The following GALR1 variants were observed in gnomAD, a reference collection of about 807,000 sequenced individuals.
The protein encoded by GALR1 is galanin receptor type 1.
A neutral mutation model predicts 17.9 loss-of-function variants in GALR1; 11 were observed. The observed-to-expected ratio is 0.62, with a 90% confidence interval of 0.39 to 1.02. GALR1 has a LOEUF of 1.02. GALR1 is among the 50% of genes least tolerant of loss of function. GALR1 has a pLI of 0.01. For synonymous variants in GALR1, 206 were observed against 205.7 expected, an observed-to-expected ratio of 1.00 and a Z score of -0.01; for missense variants, 441 against 456.9, an observed-to-expected ratio of 0.97 and a Z score of 0.32.
chr18:77,259,749 G>A (rs1912786893), intron 2 of GALR1, among the ~76,000 whole-genome samples: 2 of 151,894 alleles, frequency 1.3e-5, no homozygotes, highest in Non-Finnish European at 2.9e-5. Flanking sequence ...CTAAGAAAGA[G>A]ATGGGAGAGA....
intron 1 of GALR1, among the ~76,000 whole-genome samples, chr18:77,252,896 T>TCACCACCATCACCACCAC (rs1568139005): frequency 1.3e-5 from 1 of 78,212 alleles, no homozygotes; most frequent in Admixed American, 1.7e-4. Context: ...ACCACCACCA[T>TCACCACCATCACCACCAC]CACCACCACC....
chr18:77,258,557 GGTCATAGTGGGGGTGGTGGTGGTC>G (rs1568141187), intron 2 of GALR1, among the ~76,000 whole-genome samples: 5 of 143,026 alleles, frequency 3.5e-5, no homozygotes, highest in African/African-American at 5.4e-5. Flanking sequence ...TGATGGTGGT[GGTCATAGTGGGGGTGGTGGTGGTC>G]ATGGTGGTGA....
intron 2 of GALR1, among the ~76,000 whole-genome samples, chr18:77,263,269 C>T (rs577675738): frequency 6.6e-6 from 1 of 152,308 alleles, no homozygotes; most frequent in Admixed American, 6.5e-5. Flanking sequence ...ATAGAAGGCA[C>T]TCCCTTAATA....
chr18:77,268,839 T>C lies in GALR1; in HGVS notation c.987T>C (p.Ser329=), dbSNP rs913882960. ...ACATTCGCAAAGATTCACACCTGAGTGATACTAAAGAAAGTAAAAGTCGAA... is the reference window on the plus strand; with the variant it reads ...ACATTCGCAAAGATTCACACCTGAGCGATACTAAAGAAAGTAAAAGTCGAA... ...KCHIRKDSHL[S]DTKESKSRID... The change falls in exon 3 of 3, where the codon AGT becomes AGC. Residue 329 remains serine, a synonymous_variant. Transcript: ENST00000299727. 2 of 1,613,842 alleles carry C rather than the reference T, an allele frequency of 1.2e-6. No homozygotes were observed. Among genetic ancestry groups the C allele is most frequent in the Non-Finnish European group, 1.7e-6 (2 of 1,179,812 alleles).
At chr18:77,252,592 T>C (rs1912443356) in intron 1 of GALR1, among the ~76,000 whole-genome samples, 1 of 152,130 alleles carries the variant, frequency 6.6e-6, no homozygotes, top group African/African-American at 2.4e-5. Flanking sequence ...TATGAAGAAA[T>C]ACAGTACCAC....
chr18:77,252,980 T>TCACCATCACCACCACCACCACCAC (rs1912494378), intron 1 of GALR1, among the ~76,000 whole-genome samples: 2 of 23,000 alleles, frequency 8.7e-5, no homozygotes, highest in Non-Finnish European at 1.8e-4. Flanking sequence ...ATCACCACCA[T>TCACCATCACCACCACCACCACCAC]CACCACCATC....
chr18:77,260,249 T>A (rs1912800595), intron 2 of GALR1, among the ~76,000 whole-genome samples: 1 of 152,180 alleles, frequency 6.6e-6, no homozygotes, highest in African/African-American at 2.4e-5. Context: ...GATGGCCCCT[T>A]CTCTCTGTAT....
At chr18:77,252,981 C>G (rs914408713) in intron 1 of GALR1, among the ~76,000 whole-genome samples, 1 of 64,764 alleles carries the variant, frequency 1.5e-5, no homozygotes, top group South Asian at 4.4e-4. Context: ...TCACCACCAT[C>G]ACCACCATCA....
Position 77,251,016 on chromosome 18 carries a change from G to A in GALR1, c.468G>A (p.Val156=). The change falls in exon 1 of 3, where the codon GTG becomes GTA. Residue 156 remains valine (V), a synonymous_variant. Coordinates refer to ENST00000299727, the MANE Select transcript of GALR1 (RefSeq NM_001480.4). ...LRVSRNALLG[V]GCIWALSIAM... ...TGTCCCGCAACGCGCTGCTGGGCGT[G>A]GGCTGCATCTGGGCGCTGTCCATTG... The A allele has an allele frequency of 1.1e-5, 17 of 1,605,336 alleles. No homozygotes were observed. The highest frequency in any genetic ancestry group is 1.4e-5 in the Non-Finnish European group (17 of 1,179,826).
chr18:77,268,734 C>T lies in GALR1; in HGVS notation c.882C>T (p.Ser294=). The T allele has an allele frequency of 6.2e-7, 1 of 1,614,192 alleles. No homozygotes were observed. Among genetic ancestry groups the T allele is most frequent in the African/African-American group, 1.3e-5 (1 of 75,058 alleles). ...FRITAHCLAY[S]NSSVNPIIYA... ...TCACCGCCCACTGCCTGGCGTACAGCAATTCCTCCGTGAATCCTATCATTT... is the reference window on the plus strand; with the variant it reads ...TCACCGCCCACTGCCTGGCGTACAGTAATTCCTCCGTGAATCCTATCATTT... Residue 294 remains serine, a synonymous_variant, in exon 3 of 3, where the codon AGC becomes AGT. Transcript: ENST00000299727.
intron 1 of GALR1, among the ~76,000 whole-genome samples, chr18:77,252,177 A>G (rs144300544): frequency 2.0e-5 from 3 of 152,354 alleles, no homozygotes; most frequent in Admixed American, 6.5e-5. Context: ...AAGACTTTAT[A>G]CTGATCAAAA....
chr18:77,265,149 G>A (rs138588929), intron 2 of GALR1, among the ~76,000 whole-genome samples: 10 of 152,252 alleles, frequency 6.6e-5, no homozygotes, highest in Admixed American at 2.6e-4. Context: ...TCAAAAGCAC[G>A]TACCTATTAT....
chr18:77,250,927 G>GC lies in GALR1; in HGVS notation c.381dup (p.Ala128ArgfsTer98). 6.2e-7 allele frequency: 1 copy of GC among 1,604,912 alleles called. No homozygotes were observed. On this transcript the variant is annotated frameshift_variant, in exon 1 of 3. Transcript: ENST00000299727. LOFTEE classifies it high-confidence loss of function. ...CATGCTGGTGAGCATCTTCACCCTG[G>GC]CCGCGATGTCCGTGGACCGCTACGT...
chr18:77,250,376 C>T lies in GALR1; in HGVS notation c.-173C>T, dbSNP rs993701794. 6.6e-6 allele frequency among the ~76,000 whole-genome samples: 1 copy of T among 152,168 alleles called. No homozygotes were observed. Among genetic ancestry groups the T allele is most frequent in the African/African-American group, 2.4e-5 (1 of 41,452 alleles). On this transcript the variant is annotated 5_prime_UTR_variant, in exon 1 of 3. Coordinates refer to ENST00000299727, the MANE Select transcript of GALR1 (RefSeq NM_001480.4). ...GGTCCCGGCGCAAAGACGGTGCCAC[C>T]AGGCACGGCCACCGGATCCCCGCTC... is the stretch of plus-strand genomic sequence containing the variant.
intron 2 of GALR1, among the ~76,000 whole-genome samples, chr18:77,259,693 T>G (rs1456419975): frequency 6.8e-6 from 1 of 146,146 alleles, no homozygotes; most frequent in Admixed American, 6.7e-5. Context: ...TGGTGGCAAT[T>G]GTGGTGATGG....
chr18:77,264,419 G>A lies in GALR1; in HGVS notation c.733-4166G>A, dbSNP rs569826888. The stretch of plus-strand genomic sequence containing the variant: ...TTTCATTCTTTTTCTCTTTCTCTTC[G>A]TTCCCCCCAACTTTTCTTCTCCCAC... On this transcript the variant is annotated intron_variant, in intron 2 of 2. Transcript: ENST00000299727. Among the ~76,000 whole-genome samples the A allele has an allele frequency of 2.6e-4, 39 of 151,986 alleles. No homozygotes were observed. The South Asian group carries it at 3.7e-3, about 15-fold the overall frequency.
In GALR1 at chr18:77,273,867, T is replaced by C. The variant is rs1211137290; in HGVS notation, c.*4965T>C. ...TGGAGAAGAGATTTCTCAGGCCAAG[T>C]TGTGTAGCTCCAAATTCTCCGCAAT... On this transcript the variant is annotated 3_prime_UTR_variant, in exon 3 of 3. Coordinates refer to ENST00000299727, the MANE Select transcript of GALR1 (RefSeq NM_001480.4). The C allele has an allele frequency of 6.6e-6, 1 of 152,102 alleles. No homozygotes were observed. Among genetic ancestry groups the C allele is most frequent in the Non-Finnish European group, 1.5e-5 (1 of 68,030 alleles). The allele number at this position is 152,102 out of a possible 1,614,324, so 9.4% of individuals were successfully genotyped here.
intron 2 of GALR1, among the ~76,000 whole-genome samples, chr18:77,258,706 G>A (rs975155903): frequency 7.9e-6 from 1 of 126,344 alleles, no homozygotes; most frequent in Non-Finnish European, 1.7e-5. Flanking sequence ...GTGGTCATGT[G>A]ATGGTGGTGC....
At chr18:77,262,116 C>A (rs1406676029) in intron 2 of GALR1, among the ~76,000 whole-genome samples, 1 of 151,930 alleles carries the variant, frequency 6.6e-6, no homozygotes, top group Non-Finnish European at 1.5e-5. Context: ...GCATGAGCCA[C>A]TGTTATCTGG....
Sources: allele counts gnomAD v4.1 joint callset (sites outside exome capture counted in the v4.1 genomes callset), GRCh38; gene constraint gnomAD v4.1.1; transcripts MANE v1.5; gene names NCBI Gene and HGNC (gene_info 2026-07-23, HGNC 2026-07-21).